Variants in CEACAM1 observed in about 807,000 individuals in gnomAD.
The protein encoded by CEACAM1 is CEA cell adhesion molecule 1.
CEACAM1 carries 31 observed loss-of-function variants against 49.1 expected under a neutral mutation model. That is an observed-to-expected ratio of 0.63 (90% CI 0.47 to 0.85). The LOEUF (loss-of-function observed/expected upper bound fraction) is 0.85, where lower values mean the gene tolerates loss of function less well. CEACAM1 is among the 40% of genes least tolerant of loss of function. CEACAM1 has a pLI of 0.00. For synonymous variants in CEACAM1, 244 were observed against 247.8 expected (o/e 0.98, Z 0.14); for missense variants, 570 against 645.3 (o/e 0.88, Z 1.26).
intron 2 of CEACAM1, among the ~76,000 whole-genome samples, chr19:42,522,718 T>C (rs1217416200): frequency 6.6e-6 from 1 of 152,078 alleles, no homozygotes; most frequent in African/African-American, 2.4e-5. Flanking sequence ...CATGCCACCA[T>C]GCCCGGCTAG....
chr19:42,512,528 C>T (rs1294277954), intron 5 of CEACAM1, 49 bp from the exon 6 acceptor site: 2 of 1,562,082 alleles, frequency 1.3e-6, no homozygotes, highest in Non-Finnish European at 1.8e-6. Flanking sequence ...AATTATTTTA[C>T]AATGGGGGCT....
chr19:42,526,029 C>T (rs188815145), intron 2 of CEACAM1, among the ~76,000 whole-genome samples: 2 of 152,228 alleles, frequency 1.3e-5, no homozygotes, highest in East Asian at 1.9e-4. Context: ...GATCTTGGCT[C>T]ACTGCAACCT....
At chr19:42,514,805 G>A (rs6509015) in intron 5 of CEACAM1, among the ~76,000 whole-genome samples, 15,661 of 152,104 alleles carry the variant, frequency 0.1, 2,664 homozygotes, top group African/African-American at 0.35. Context: ...AGTGGTAAAA[G>A]GCTTACCTAA....
intron 5 of CEACAM1, chr19:42,516,833 G>T (rs761487676): frequency 1.2e-4 from 48 of 405,200 alleles, no homozygotes; most frequent in Middle Eastern, 3.5e-4. Flanking sequence ...AGGAGTTTGA[G>T]ACCAGCCTTG....
chr19:42,526,063 C>T (rs2041881839), intron 2 of CEACAM1, among the ~76,000 whole-genome samples: 1 of 152,134 alleles, frequency 6.6e-6, no homozygotes, highest in Non-Finnish European at 1.5e-5. Context: ...TCAAGCAATT[C>T]TCCTGCCTCA....
rs923637836 is a variant in CEACAM1 at position 42,513,918 on chromosome 19, A to T, written c.1247-1439T>A. On this transcript the variant is annotated intron_variant, in intron 5 of 8. Transcript: ENST00000161559. ...CATATATATATATATATATATATAT[A>T]ATATATAAATAATACCTTTTGCATC... is the stretch of plus-strand genomic sequence containing the variant. Among the ~76,000 whole-genome samples the T allele has an allele frequency of 4.1e-5, 5 of 123,394 alleles. No individual in the cohort carries two copies. The South Asian group carries it at 7.3e-4, about 18-fold the overall frequency. The allele number at this position is 123,394 out of a possible 152,430, so 81.0% of individuals were successfully genotyped here.
At chr19:42,510,107 A>G (rs1169726305) in intron 8 of CEACAM1, among the ~76,000 whole-genome samples, 1 of 151,610 alleles carries the variant, frequency 6.6e-6, no homozygotes, top group Non-Finnish European at 1.5e-5. Context: ...TTTTTTTGAG[A>G]CAGAGTTTCC....
intron 2 of CEACAM1, among the ~76,000 whole-genome samples, chr19:42,524,551 T>C (rs926185173): frequency 6.6e-6 from 1 of 152,184 alleles, no homozygotes; most frequent in Non-Finnish European, 1.5e-5. Context: ...CAGGGGTGGC[T>C]GCTCTGGGCT....
At chr19:42,527,947 G>C (rs536086458) in intron 1 of CEACAM1, 1 of 250,520 alleles carries the variant, frequency 4.0e-6, no homozygotes, top group South Asian at 6.8e-5. Flanking sequence ...GGCTCTTCAT[G>C]TCCTGGGGTT....
Position 42,518,791 on chromosome 19 carries a change from T to C in CEACAM1, c.1246+157A>G, listed in dbSNP as rs1215925560. The C allele has an allele frequency of 1.9e-5, 16 of 859,522 alleles. No homozygotes were observed. The Admixed American group carries it at 2.1e-4, about 11-fold the overall frequency. 53.2% of individuals were successfully genotyped at this position (859,522 alleles called of 1,614,324 possible). A position where few individuals can be genotyped will look rare whatever the true frequency, so the allele number is the denominator to read the frequency against. Reference sequence around the variant, plus strand: ...CTGGGATTACAGGCGTGAGCCACTGTGCCCGGCCTGAGCTGAGCTCTTAAC... The same window carrying C: ...CTGGGATTACAGGCGTGAGCCACTGCGCCCGGCCTGAGCTGAGCTCTTAAC... On this transcript the variant is annotated intron_variant, in intron 5 of 8. Transcript: ENST00000161559.
At chr19:42,516,069 A>T (rs539940650) in intron 5 of CEACAM1, among the ~76,000 whole-genome samples, 1 of 152,338 alleles carries the variant, frequency 6.6e-6, no homozygotes, top group South Asian at 2.1e-4. Flanking sequence ...CCCAGCTACC[A>T]TCATAGTCAA....
intron 1 of CEACAM1, 21 bp downstream of exon 1, chr19:42,528,290 C>T: frequency 6.2e-7 from 1 of 1,610,572 alleles, no homozygotes; most frequent in Non-Finnish European, 8.5e-7. Flanking sequence ...TCCGCCCCTT[C>T]CCAGGGTGTC....
rs113044755 is a variant in CEACAM1 at position 42,515,814 on chromosome 19, A to G, written c.1246+3134T>C. On this transcript the variant is annotated intron_variant, in intron 5 of 8. Coordinates refer to ENST00000161559, the MANE Select transcript of CEACAM1 (RefSeq NM_001712.5). ...CTGCAGAAATAATAAGGATTATAAGAGTACTATGAGTAATTGAATGCCAAC... is the reference window on the plus strand; with the variant it reads ...CTGCAGAAATAATAAGGATTATAAGGGTACTATGAGTAATTGAATGCCAAC... 8.4e-3 allele frequency among the ~76,000 whole-genome samples: 1,281 copies of G among 152,334 alleles called. 19 individuals carry two copies. The highest frequency in any genetic ancestry group is 0.029 in the African/African-American group (1,219 of 41,566).
At chr19:42,518,796 G>A (rs554625174) in intron 5 of CEACAM1, 152 bp downstream of exon 5, 42 of 906,030 alleles carry the variant, frequency 4.6e-5, no homozygotes, top group South Asian at 1.4e-4. Context: ...CACTGTGCCC[G>A]GCCTGAGCTG....
intron 5 of CEACAM1, chr19:42,516,892 CAAAACAAAA>C: frequency 2.4e-6 from 1 of 422,486 alleles, no homozygotes; most frequent in Admixed American, 2.9e-5. Flanking sequence ...AAAAACAAAA[CAAAACAAAA>C]AAACCCAAAC....
chr19:42,509,227 A>C lies in CEACAM1; in HGVS notation c.1463T>G (p.Met488Arg), dbSNP rs370207396. 4 of 1,607,002 alleles carry C rather than the reference A, an allele frequency of 2.5e-6. No homozygotes were observed. In the African/African-American group the frequency reaches 5.3e-5, roughly 21 times the overall value. The stretch of plus-strand genomic sequence containing the variant: ...CAGGGTAGAATAAGTAACTTCATTC[A>C]TCTGAAAAGCACAAATAATGATCAG... ...QDHSNDPPNK[M>R]NEVTYSTLNF... Residue 488 changes from methionine (M) to arginine (R), a missense_variant and splice_region_variant, in exon 9 of 9, where the codon ATG becomes AGG. Coordinates refer to ENST00000161559, the MANE Select transcript of CEACAM1 (RefSeq NM_001712.5).
intron 4 of CEACAM1, among the ~76,000 whole-genome samples, chr19:42,520,097 A>G (rs1220203280): frequency 6.6e-6 from 1 of 152,168 alleles, no homozygotes; most frequent in Non-Finnish European, 1.5e-5. Context: ...GGTGAAGGAG[A>G]TTCCTAGAGT....
intron 5 of CEACAM1, among the ~76,000 whole-genome samples, chr19:42,517,598 A>G (rs1450148615): frequency 6.6e-6 from 1 of 152,252 alleles, no homozygotes; most frequent in Non-Finnish European, 1.5e-5. Flanking sequence ...TCATTAGGGA[A>G]GTGCAAATCA....
At chr19:42,522,665 G>T (rs890265570) in intron 2 of CEACAM1, among the ~76,000 whole-genome samples, 5 of 150,478 alleles carry the variant, frequency 3.3e-5, no homozygotes, top group Admixed American at 1.3e-4. Flanking sequence ...GGGTTCAAGC[G>T]ATTCTCCTGC....
Sources: allele counts gnomAD v4.1 joint callset (sites outside exome capture counted in the v4.1 genomes callset), GRCh38; gene constraint gnomAD v4.1.1; transcripts MANE v1.5; gene names NCBI Gene and HGNC (gene_info 2026-07-23, HGNC 2026-07-21).